Variants in GPHN observed in about 807,000 individuals in gnomAD.
GPHN encodes the protein gephyrin.
Under a neutral mutation model 95.5 loss-of-function variants are expected in GPHN, and 17 were observed. The ratio of observed to expected loss-of-function variants is 0.18; its 90% CI spans 0.12 to 0.27. The LOEUF (loss-of-function observed/expected upper bound fraction) is 0.27. GPHN is among the 10% of genes least tolerant of loss of function. The probability of loss-of-function intolerance (pLI) is 1.00; values close to 1 mark genes in which losing one functional copy is unlikely to be tolerated. For missense variants in GPHN, 660 were observed against 978.1 expected, an observed-to-expected ratio of 0.67 and a Z score of 4.34; for synonymous variants, 320 against 322.5, an observed-to-expected ratio of 0.99 and a Z score of 0.08.
chr14:67,269,890 A>T, the GPHN span: 4 of 152,400 alleles, frequency 2.6e-5, no homozygotes, highest in Non-Finnish European at 5.9e-5. Flanking sequence ...AATGCTGATC[A>T]CTTAAAATGA....
chr14:66,922,660 A>G lies in GPHN; in HGVS notation c.457-6A>G, dbSNP rs768570275. 31 of 1,606,464 alleles carry G rather than the reference A, an allele frequency of 1.9e-5. 1 individual carries two copies. The South Asian group carries it at 2.9e-4, about 15-fold the overall frequency. On this transcript the variant is annotated splice_polypyrimidine_tract_variant and splice_region_variant and intron_variant, in intron 6 of 22. Coordinates refer to ENST00000478722, the MANE Select transcript of GPHN (RefSeq NM_020806.5). ...CTTAATTTTTTTTTCTTTCTCTTGC[A>G]TACAGGAATGCTTTCAATTCATACT...
Position 67,089,123 on chromosome 14 carries a change from TTCTTTTTTTC to T in GPHN, c.1237+50_1237+59del, listed in dbSNP as rs1433043243. 602 of 635,846 alleles carry T rather than the reference TTCTTTTTTTC, an allele frequency of 9.5e-4. 10 individuals are homozygous for T. The highest frequency in any genetic ancestry group is 1.9e-3 in the African/African-American group (81 of 42,078). The allele number at this position is 635,846 out of a possible 1,614,324, so 39.4% of individuals were successfully genotyped here. On this transcript the variant is annotated intron_variant, in intron 12 of 22. Coordinates refer to ENST00000478722, the MANE Select transcript of GPHN (RefSeq NM_020806.5). Reference sequence around the variant, plus strand: ...ACATAATCAGGCACTGTATTTTTTTTTCTTTTTTTCTTTTTTTTTTTTTTTTTTTTTTTTT... The same window carrying T: ...ACATAATCAGGCACTGTATTTTTTTTTTTTTTTTTTTTTTTTTTTTTTTTT...
the GPHN span, chr14:67,572,339 C>A: frequency 6.8e-7 from 1 of 1,476,458 alleles, no homozygotes; most frequent in Non-Finnish European, 9.1e-7. Context: ...TGCTGGGGCC[C>A]TCAGCACAAG....
chr14:67,587,226 G>A, the GPHN span: 23 of 1,613,564 alleles, frequency 1.4e-5, no homozygotes, highest in African/African-American at 8.0e-5. Context: ...AGGGGCCAAC[G>A]TTGCTGTGAA....
At chr14:67,291,608 A>G in the GPHN span, among the ~76,000 whole-genome samples, 1 of 152,150 alleles carries the variant, frequency 6.6e-6, no homozygotes, top group African/African-American at 2.4e-5. Flanking sequence ...ACCATTTTAG[A>G]ATAACGTTTT....
At chr14:66,541,720 C>T (rs538998640) in intron 1 of GPHN, among the ~76,000 whole-genome samples, 14 of 152,134 alleles carry the variant, frequency 9.2e-5, no homozygotes, top group Non-Finnish European at 1.5e-4. Context: ...GGGAGGTACA[C>T]GAGGCCTGGT....
intron 11 of GPHN, among the ~76,000 whole-genome samples, chr14:67,059,423 A>G (rs2075736540): frequency 1.3e-5 from 2 of 152,184 alleles, no homozygotes; most frequent in African/African-American, 4.8e-5. Context: ...CCCAACACCA[A>G]AAAGAGAAGT....
chr14:67,589,574 T>C, the GPHN span: 6 of 985,412 alleles, frequency 6.1e-6, no homozygotes, highest in Non-Finnish European at 7.2e-6. Flanking sequence ...TAACAGTAAA[T>C]AAATAAGCCC....
chr14:67,661,575 C>A, the GPHN span, among the ~76,000 whole-genome samples: 2 of 148,314 alleles, frequency 1.3e-5, no homozygotes, highest in East Asian at 4.0e-4. Flanking sequence ...CTCTGTCACC[C>A]AGACTGGAGT....
intron 1 of GPHN, among the ~76,000 whole-genome samples, chr14:66,632,266 T>A (rs1234218201): frequency 6.6e-6 from 1 of 152,192 alleles, no homozygotes; most frequent in Non-Finnish European, 1.5e-5. Context: ...GTATATGGGA[T>A]CAAAAGCTCA....
At position 66,529,874 on chromosome 14, in the gene GPHN, C is replaced by T. The variant is rs1791651410; in HGVS notation, c.64+21283C>T. ...CAGAGGGGCACCTGCCAGATGCCAGCCAGAGCTCTCCTGTATGAGGTGTCT... is the reference window on the plus strand; with the variant it reads ...CAGAGGGGCACCTGCCAGATGCCAGTCAGAGCTCTCCTGTATGAGGTGTCT... On this transcript the variant is annotated intron_variant, in intron 1 of 22. Coordinates refer to ENST00000478722, the MANE Select transcript of GPHN (RefSeq NM_020806.5). 2.0e-5 allele frequency among the ~76,000 whole-genome samples: 3 copies of T among 152,150 alleles called. 1 individual carries two copies. The South Asian group carries it at 6.2e-4, about 32-fold the overall frequency.
the GPHN span, among the ~76,000 whole-genome samples, chr14:67,291,069 A>G: frequency 6.6e-6 from 1 of 152,190 alleles, no homozygotes; most frequent in Non-Finnish European, 1.5e-5. Flanking sequence ...CAGGAAAAGC[A>G]GGGGGGTCGG....
chr14:67,329,449 C>T, the GPHN span, among the ~76,000 whole-genome samples: 1 of 152,308 alleles, frequency 6.6e-6, no homozygotes, highest in Admixed American at 6.5e-5. Context: ...TTCCTCTTTT[C>T]CTAATTGAAT....
At chr14:67,213,238 T>C in the GPHN span, among the ~76,000 whole-genome samples, 2 of 150,706 alleles carry the variant, frequency 1.3e-5, no homozygotes, top group African/African-American at 4.9e-5. Context: ...TATGTATACA[T>C]GTGCCATGCT....
At chr14:67,066,444 C>T (rs948425767) in intron 11 of GPHN, among the ~76,000 whole-genome samples, 1 of 152,088 alleles carries the variant, frequency 6.6e-6, no homozygotes, top group Non-Finnish European at 1.5e-5. Context: ...TTGTGGTGTT[C>T]TCTGTATTCC....
intron 11 of GPHN, among the ~76,000 whole-genome samples, chr14:67,074,010 C>G (rs2076405041): frequency 6.6e-6 from 1 of 152,018 alleles, no homozygotes; most frequent in Non-Finnish European, 1.5e-5. Flanking sequence ...TGCAGTACAC[C>G]AAAGTTTTGT....
intron 10 of GPHN, among the ~76,000 whole-genome samples, chr14:67,053,351 C>A (rs987682911): frequency 6.6e-6 from 1 of 152,030 alleles, no homozygotes; most frequent in Non-Finnish European, 1.5e-5. Context: ...TGCAAATAAA[C>A]TAGAAAATCT....
the GPHN span, among the ~76,000 whole-genome samples, chr14:67,416,431 G>A: frequency 6.6e-5 from 10 of 152,214 alleles, no homozygotes; most frequent in Non-Finnish European, 8.8e-5. Flanking sequence ...AAAGGAGGGC[G>A]TGTGGGGTCC....
At chr14:67,095,709 C>T (rs1030724731) in intron 12 of GPHN, among the ~76,000 whole-genome samples, 21 of 151,898 alleles carry the variant, frequency 1.4e-4, no homozygotes, top group African/African-American at 4.3e-4. Flanking sequence ...TGTTCTCACT[C>T]ATAGATGGGA....
Sources: allele counts gnomAD v4.1 joint callset (sites outside exome capture counted in the v4.1 genomes callset), GRCh38; gene constraint gnomAD v4.1.1; transcripts MANE v1.5; gene names NCBI Gene and HGNC (gene_info 2026-07-23, HGNC 2026-07-21).